Variants in CMSS1 observed in about 807,000 individuals in gnomAD.
The protein encoded by CMSS1 is cms1 ribosomal small subunit homolog.
Under a neutral mutation model 43.5 loss-of-function variants are expected in CMSS1, and 33 were observed. The observed-to-expected ratio is 0.76, with a 90% CI of 0.57 to 1.01. CMSS1 has a LOEUF of 1.01. Among genes scored for constraint, CMSS1 ranks in the 50% least tolerant of loss-of-function variants. The pLI, the probability that CMSS1 is intolerant of heterozygous loss-of-function variation, is 0.00. For missense variants in CMSS1, 313 were observed against 326.4 expected (o/e 0.96, Z 0.32); for synonymous variants, 115 against 117.2 (o/e 0.98, Z 0.12).
intron 1 of CMSS1, among the ~76,000 whole-genome samples, chr3:99,888,654 ACTGG>A (rs1705985434): frequency 1.3e-5 from 2 of 152,196 alleles, no homozygotes; most frequent in South Asian, 4.1e-4. Context: ...AATTTTATAT[ACTGG>A]CTGTGGAAGG....
At chr3:100,079,946 CAA>C (rs1159426123) in intron 1 of CMSS1, among the ~76,000 whole-genome samples, 3 of 151,868 alleles carry the variant, frequency 2.0e-5, no homozygotes, top group African/African-American at 7.3e-5. Context: ...TCATCTCTAA[CAA>C]AGGTTTTCAT....
intron 1 of CMSS1, among the ~76,000 whole-genome samples, chr3:100,060,084 C>A (rs2107341641): frequency 6.6e-6 from 1 of 152,180 alleles, no homozygotes; most frequent in Non-Finnish European, 1.5e-5. Context: ...GGTACATGTG[C>A]CCTCAGCTGT....
intron 1 of CMSS1, among the ~76,000 whole-genome samples, chr3:100,078,625 G>A (rs139327144): frequency 2.0e-5 from 3 of 152,068 alleles, no homozygotes; most frequent in South Asian, 2.1e-4. Context: ...ATGGTGGCTC[G>A]CTGGCCTGTA....
chr3:99,982,459 G>C (rs972152822), intron 1 of CMSS1, among the ~76,000 whole-genome samples: 2 of 151,952 alleles, frequency 1.3e-5, no homozygotes, highest in Non-Finnish European at 2.9e-5. Flanking sequence ...TCCCACCTCA[G>C]CCTCCTGAAT....
At chr3:100,001,354 G>A (rs567391506) in intron 1 of CMSS1, among the ~76,000 whole-genome samples, 12 of 152,238 alleles carry the variant, frequency 7.9e-5, no homozygotes, top group Admixed American at 2.0e-4. Context: ...GAGTAGCTGC[G>A]ACAGAGATCA....
At chr3:100,167,544 T>C (rs1023577039) in intron 5 of CMSS1, among the ~76,000 whole-genome samples, 194 bp from the exon 6 acceptor site, 24 of 152,358 alleles carry the variant, frequency 1.6e-4, no homozygotes, top group South Asian at 2.1e-4. Context: ...TGTTTTGTGT[T>C]ACAAATTAAT....
chr3:99,833,065 A>G (rs1201297020), intron 1 of CMSS1: 3 of 647,304 alleles, frequency 4.6e-6, no homozygotes, highest in Non-Finnish European at 8.3e-6. Flanking sequence ...TGAATGTTCT[A>G]CTCAGAGTTG....
At chr3:100,041,339 C>T (rs1032854379) in intron 1 of CMSS1, 3 of 152,140 alleles carry the variant, frequency 2.0e-5, no homozygotes, top group African/African-American at 7.2e-5. Context: ...AAGCTGTAAG[C>T]ACTTGAAGAT....
intron 1 of CMSS1, among the ~76,000 whole-genome samples, chr3:100,000,604 C>T (rs1482533362): frequency 1.3e-5 from 2 of 152,184 alleles, no homozygotes; most frequent in Non-Finnish European, 2.9e-5. Context: ...AATTCCAGCA[C>T]TTTGGGAGGC....
At chr3:100,080,279 G>A (rs935831042) in intron 1 of CMSS1, among the ~76,000 whole-genome samples, 4 of 151,916 alleles carry the variant, frequency 2.6e-5, no homozygotes, top group Middle Eastern at 3.4e-3. Flanking sequence ...CACTGCACCC[G>A]GCCATCATTT....
At chr3:99,998,376 G>A (rs896968149) in intron 1 of CMSS1, among the ~76,000 whole-genome samples, 4 of 152,112 alleles carry the variant, frequency 2.6e-5, no homozygotes, top group African/African-American at 4.8e-5. Context: ...AACCCATCTT[G>A]CATGTGTTTA....
chr3:100,143,735 G>C (rs1474437379), intron 1 of CMSS1, among the ~76,000 whole-genome samples: 1 of 152,060 alleles, frequency 6.6e-6, no homozygotes, highest in Non-Finnish European at 1.5e-5. Context: ...ACAAAGCATG[G>C]AGAGCCTGCT....
chr3:100,106,460 G>A (rs2066397033), intron 1 of CMSS1, among the ~76,000 whole-genome samples: 1 of 152,126 alleles, frequency 6.6e-6, no homozygotes, highest in African/African-American at 2.4e-5. Flanking sequence ...GCAGAAATGA[G>A]GGTAATGGTG....
chr3:100,113,696 A>G (rs144565570), intron 1 of CMSS1, among the ~76,000 whole-genome samples: 1 of 152,328 alleles, frequency 6.6e-6, no homozygotes, highest in African/African-American at 2.4e-5. Flanking sequence ...AGCTTACAAA[A>G]TCAAGCTATT....
At chr3:99,986,685 TAGA>T (rs905300747) in intron 1 of CMSS1, among the ~76,000 whole-genome samples, 6 of 152,052 alleles carry the variant, frequency 3.9e-5, no homozygotes, top group African/African-American at 1.4e-4. Context: ...AGAACTCAAG[TAGA>T]AGGAGGAGAA....
At chr3:100,151,725 A>T (rs918428544) in intron 2 of CMSS1, among the ~76,000 whole-genome samples, 3 of 152,174 alleles carry the variant, frequency 2.0e-5, no homozygotes, top group Non-Finnish European at 2.9e-5. Context: ...GCTATCCTGG[A>T]ATCTGGCTAC....
At chr3:100,013,574 G>A (rs1348809055) in intron 1 of CMSS1, among the ~76,000 whole-genome samples, 1 of 152,132 alleles carries the variant, frequency 6.6e-6, no homozygotes, top group African/African-American at 2.4e-5. Flanking sequence ...TAAAAAGTAT[G>A]TAGAGAATGT....
intron 1 of CMSS1, among the ~76,000 whole-genome samples, chr3:99,977,884 C>A (rs1364631870): frequency 6.6e-6 from 1 of 151,968 alleles, no homozygotes; most frequent in Non-Finnish European, 1.5e-5. Flanking sequence ...CAGTTCAAAG[C>A]ACATAATATG....
chr3:100,009,736 G>C (rs904926508), intron 1 of CMSS1, among the ~76,000 whole-genome samples: 10 of 152,332 alleles, frequency 6.6e-5, no homozygotes, highest in Non-Finnish European at 1.0e-4. Flanking sequence ...AGGAGGCAAA[G>C]ATATTTGAAA....
Sources: allele counts gnomAD v4.1 joint callset (sites outside exome capture counted in the v4.1 genomes callset), GRCh38; gene constraint gnomAD v4.1.1; transcripts MANE v1.5; gene names NCBI Gene and HGNC (gene_info 2026-07-23, HGNC 2026-07-21).